MARF1: variants seen among roughly 807,000 people sequenced by gnomAD.
MARF1 encodes the protein meiosis regulator and mRNA stability factor 1.
In MARF1, 24 loss-of-function variants were observed where a neutral mutation model predicts 168.2. That is an observed-to-expected ratio of 0.14 (90% CI 0.10 to 0.20). The LOEUF (loss-of-function observed/expected upper bound fraction) is 0.20, where lower values mean the gene tolerates loss of function less well. Among genes scored for constraint, MARF1 ranks in the 10% least tolerant of loss-of-function variants. The probability of loss-of-function intolerance (pLI) is 1.00; values close to 1 mark genes in which losing one functional copy is unlikely to be tolerated. For missense variants in MARF1, 1,744 were observed against 2,143.6 expected (o/e 0.81, Z 3.68); for synonymous variants, 868 against 822.4 (o/e 1.06, Z -0.95).
intron 1 of MARF1, 83 bp from the exon 2 acceptor site, chr16:15,639,374 T>C (rs746939682): frequency 2.2e-4 from 198 of 894,904 alleles, no homozygotes; most frequent in Non-Finnish European, 3.2e-4. Context: ...AAACCACAGC[T>C]ATATTTACAG....
intron 2 of MARF1, among the ~76,000 whole-genome samples, chr16:15,638,185 AG>A (rs2035720238): frequency 6.6e-6 from 1 of 152,170 alleles, no homozygotes; most frequent in African/African-American, 2.4e-5. Flanking sequence ...ATCAAATAAA[AG>A]TTGTTAATAC....
intron 4 of MARF1, among the ~76,000 whole-genome samples, 166 bp from the exon 5 acceptor site, chr16:15,634,009 GC>G (rs1348352286): frequency 1.3e-5 from 2 of 152,134 alleles, no homozygotes; most frequent in African/African-American, 2.4e-5. Context: ...AAGCAATCAA[GC>G]TGTCAAAAAG....
chr16:15,641,400 C>T (rs575730514), intron 1 of MARF1, among the ~76,000 whole-genome samples: 5 of 152,192 alleles, frequency 3.3e-5, no homozygotes, highest in Non-Finnish European at 5.9e-5. Context: ...AAACTCCTCT[C>T]AAAATCGTAA....
chr16:15,636,061 C>T lies in MARF1; in HGVS notation c.426G>A (p.Arg142=), dbSNP rs376311813. 1.0e-4 allele frequency: 169 copies of T among 1,614,110 alleles called. No homozygotes were observed. Among genetic ancestry groups the T allele is most frequent in the Middle Eastern group, 4.9e-4 (3 of 6,084 alleles). The change falls in exon 3 of 27, where the codon AGG becomes AGA. Residue 142 remains arginine (R), a synonymous_variant. Transcript: ENST00000396368. ...PGALLDSQST[R]TITCQVGSGF... ...CTGACCCTACCTGACACGTGATTGT[C>T]CTGGTGCTTTGCGAGTCTAACAGTG... is the stretch of plus-strand genomic sequence containing the variant.
At chr16:15,599,184 CA>C in intron 25 of MARF1, 160 bp from the exon 26 acceptor site, 1 of 672,522 alleles carries the variant, frequency 1.5e-6, no homozygotes, top group Non-Finnish European at 2.5e-6. Context: ...AACAAAAACC[CA>C]AAACCCACTA....
chr16:15,618,400 T>C (rs1365270489), intron 13 of MARF1, among the ~76,000 whole-genome samples: 1 of 152,192 alleles, frequency 6.6e-6, no homozygotes. Context: ...GTCCCTGTAA[T>C]GGAAACATCC....
In MARF1 at chr16:15,622,968, T is replaced by C. The variant is rs780282309; in HGVS notation, c.2426A>G (p.Gln809Arg). The C allele has an allele frequency of 6.3e-7, 1 of 1,586,510 alleles. No individual in the cohort carries two copies. The highest frequency in any genetic ancestry group is 1.7e-5 in the Admixed American group (1 of 58,852). Residue 809 changes from glutamine to arginine, a missense_variant, in exon 11 of 27, where the codon CAG (glutamine) becomes CGG (arginine). By Grantham distance (43) the Gln-to-Arg change is conservative. Transcript: ENST00000396368. ...DYRLSRKELQ[Q>R]LLQEAFARHG... is the part of the protein sequence containing the mutation. ...CCTGGCAAATGCTTCCTGCAGGAGC[T>C]GCTGCAGCTCCTTCCGGGATAATCT... is the stretch of plus-strand genomic sequence containing the variant.
rs2035554194 is a variant in MARF1, at chr16:15,635,809, A to G, written c.678T>C (p.Cys226=). 1 of 1,614,090 alleles carries G rather than the reference A, an allele frequency of 6.2e-7. No homozygotes were observed. The highest frequency in any genetic ancestry group is 1.3e-5 in the African/African-American group (1 of 74,942). Residue 226 remains cysteine (C), a synonymous_variant, in exon 3 of 27, where the codon TGT becomes TGC. Coordinates refer to ENST00000396368, the MANE Select transcript of MARF1 (RefSeq NM_014647.4). The stretch of plus-strand genomic sequence containing the variant: ...CTGGAGCCCCGCTTGTGAAATCAGA[A>G]CAGGGGAAATAGCCAGCGGAGGTGC... ...QGCTSAGYFP[C]SDFTSGAPGH... is the part of the protein sequence containing the mutation.
chr16:15,601,775 T>TA, intron 23 of MARF1: 1 of 600,688 alleles, frequency 1.7e-6, no homozygotes, highest in Non-Finnish European at 2.9e-6. Context: ...GCCTGAAACT[T>TA]ACTCACCTGG....
At position 15,602,064 on chromosome 16, in the gene MARF1, T is replaced by G; in HGVS notation, c.4553A>C (p.Tyr1518Ser). 3 of 1,614,184 alleles carry G rather than the reference T, an allele frequency of 1.9e-6. No individual in the cohort carries two copies. The highest frequency in any genetic ancestry group is 1.7e-6 in the Non-Finnish European group (2 of 1,180,022). ...CTTGGGCTGCAGAGTTTCTCCGACA[T>G]ACTTGGTATAGGCCATGGAAAACTC... ...LHEFSMAYTK[Y>S]VGETLQPKTY... Residue 1518 changes from tyrosine to serine, a missense_variant, in exon 23 of 27, where the codon TAT (tyrosine) becomes TCT (serine). Transcript: ENST00000396368.
At position 15,615,872 on chromosome 16, in the gene MARF1, C is replaced by T; in HGVS notation, c.3211G>A (p.Val1071Met). 2 of 1,591,028 alleles carry T rather than the reference C, an allele frequency of 1.3e-6. No individual in the cohort carries two copies. Among genetic ancestry groups the T allele is most frequent in the Non-Finnish European group, 1.7e-6 (2 of 1,167,992 alleles). Residue 1071 changes from valine to methionine, a missense_variant, in exon 16 of 27, where the codon GTG (valine) becomes ATG (methionine). Around this residue, in one of 7 missense-constraint regions of MARF1, gnomAD observed 543 missense variants for 742.1 expected, o/e 0.73. Coordinates refer to ENST00000396368, the MANE Select transcript of MARF1 (RefSeq NM_014647.4). Reference protein sequence around the residue: ...NIATAQNGIKVVKWIHNKPPP... With the variant: ...NIATAQNGIKMVKWIHNKPPP... ...GGCTTGTTGTGAATCCATTTAACCA[C>T]TTTGATGCCATTCTGAGCAGTGGCA... is the stretch of plus-strand genomic sequence containing the variant.
chr16:15,641,351 T>C (rs2035939036), intron 1 of MARF1, among the ~76,000 whole-genome samples: 1 of 152,174 alleles, frequency 6.6e-6, no homozygotes, highest in Non-Finnish European at 1.5e-5. Context: ...ATTACGATTC[T>C]TGTCTTTCCT....
chr16:15,599,166 A>C (rs560605014), intron 25 of MARF1, 142 bp from the exon 26 acceptor site: 28 of 799,252 alleles, frequency 3.5e-5, no homozygotes, highest in South Asian at 4.9e-5. Flanking sequence ...AAAAAAAAAA[A>C]AAAAAAAAAC....
At chr16:15,634,692 C>CA (rs2035470731) in intron 4 of MARF1, 65 bp downstream of exon 4, 1 of 1,460,482 alleles carries the variant, frequency 6.8e-7, no homozygotes. Flanking sequence ...TGATTAAATG[C>CA]AATGTTAGTA....
chr16:15,637,156 C>T (rs1326570774), intron 2 of MARF1, among the ~76,000 whole-genome samples: 2 of 152,162 alleles, frequency 1.3e-5, no homozygotes, highest in African/African-American at 4.8e-5. Context: ...TTTCCTCATC[C>T]ATAAACTGGG....
At chr16:15,600,732 G>A in intron 23 of MARF1, 31 bp from the exon 24 acceptor site, 1 of 1,610,826 alleles carries the variant, frequency 6.2e-7, no homozygotes, top group Non-Finnish European at 8.5e-7. Context: ...TGGTTAAGCA[G>A]CGGAAAAGGA....
intron 19 of MARF1, among the ~76,000 whole-genome samples, chr16:15,609,933 GATATTATT>G (rs1178208610): frequency 6.6e-6 from 1 of 152,234 alleles, no homozygotes; most frequent in African/African-American, 2.4e-5. Context: ...AGGAAGTTAT[GATATTATT>G]ATATTATGAA....
intron 26 of MARF1, 83 bp from the exon 27 acceptor site, chr16:15,597,020 AAAAG>A: frequency 7.0e-7 from 1 of 1,423,628 alleles, no homozygotes; most frequent in South Asian, 1.4e-5. Context: ...ATATTTTCTC[AAAAG>A]ATAATAATAG....
intron 26 of MARF1, among the ~76,000 whole-genome samples, chr16:15,597,418 A>G (rs2031841351): frequency 6.6e-6 from 1 of 152,166 alleles, no homozygotes; most frequent in South Asian, 2.1e-4. Flanking sequence ...TACCGGGGAT[A>G]AGGAAGGACT....
Sources: gnomAD v4.1 joint callset for allele counts (sites outside exome capture counted in the v4.1 genomes callset) on GRCh38, gnomAD v4.1.1 for gene constraint, gnomAD v4.1.1 regional missense constraint, MANE v1.5 for transcripts, NCBI Gene and HGNC (gene_info 2026-07-23, HGNC 2026-07-21) for gene names.